RASSF9: variants seen among roughly 807,000 people sequenced by gnomAD.
RASSF9 encodes Ras association domain family member 9, also known as ras association domain-containing protein 9.
RASSF9 carries 18 observed loss-of-function variants against 21.4 expected under a neutral mutation model. That is an observed-to-expected ratio of 0.84 (90% CI 0.58 to 1.25). The LOEUF (loss-of-function observed/expected upper bound fraction) is 1.25, where lower values mean the gene tolerates loss of function less well. RASSF9 is among the 50% of genes most tolerant of loss of function. The probability of loss-of-function intolerance (pLI) is 0.00; values close to 1 mark genes in which losing one functional copy is unlikely to be tolerated. For missense variants in RASSF9, 480 were observed against 503.2 expected, an observed-to-expected ratio of 0.95 and a Z score of 0.44; for synonymous variants, 183 against 179.1, an observed-to-expected ratio of 1.02 and a Z score of -0.18.
At position 85,828,160 on chromosome 12, in the gene RASSF9, G is replaced by A. The variant is rs191482265; in HGVS notation, c.47+7995C>T. 4.7e-3 allele frequency among the ~76,000 whole-genome samples: 712 copies of A among 151,980 alleles called. 6 individuals are homozygous for A. The highest frequency in any genetic ancestry group is 0.016 in the African/African-American group (651 of 41,472). On this transcript the variant is annotated intron_variant, in intron 1 of 1. Coordinates refer to ENST00000361228, the MANE Select transcript of RASSF9 (RefSeq NM_005447.4). ...TCATTAATACTTCACAATATAACTC[G>A]ATATAAATATATATGTGTGTATGTG...
chr12:85,819,208 G>A (rs1013250287), intron 1 of RASSF9, among the ~76,000 whole-genome samples: 3 of 142,330 alleles, frequency 2.1e-5, no homozygotes, highest in Non-Finnish European at 4.6e-5. Context: ...ACTGCTTTAA[G>A]CATTTTTTTT....
chr12:85,805,028 C>T lies in RASSF9; in HGVS notation c.982G>A (p.Ala328Thr). Residue 328 changes from alanine (A) to threonine (T), a missense_variant, in exon 2 of 2, where the codon GCT (alanine) becomes ACT (threonine). Ala to Thr is a moderately conservative substitution (Grantham distance 58). Transcript: ENST00000361228. ...VKCDLEKSMK[A>T]GLKIHSHLSG... ...AAATGAGAGTGAATTTTCAAACCAG[C>T]TTTCATGCTTTTCTCCAAATCACAC... 1 of 1,613,978 alleles carries T rather than the reference C, an allele frequency of 6.2e-7. No individual in the cohort carries two copies. The highest frequency in any genetic ancestry group is 8.5e-7 in the Non-Finnish European group (1 of 1,179,874).
chr12:85,825,968 T>C (rs1402631889), intron 1 of RASSF9, among the ~76,000 whole-genome samples: 1 of 152,136 alleles, frequency 6.6e-6, no homozygotes, highest in Non-Finnish European at 1.5e-5. Flanking sequence ...GGGAAACCAG[T>C]TTGTGTTTTG....
At chr12:85,823,199 C>CAAAA (rs1164958967) in intron 1 of RASSF9, among the ~76,000 whole-genome samples, 3 of 93,052 alleles carry the variant, frequency 3.2e-5, no homozygotes, top group African/African-American at 1.1e-4. Flanking sequence ...AACTCCGTCT[C>CAAAA]AAAAAAAAAA....
chr12:85,834,297 G>C (rs1284497668), intron 1 of RASSF9, among the ~76,000 whole-genome samples: 1 of 151,982 alleles, frequency 6.6e-6, no homozygotes, highest in Non-Finnish European at 1.5e-5. Flanking sequence ...TTATAACAAA[G>C]CATCATCTTC....
chr12:85,806,275 C>A (rs1303964436), intron 1 of RASSF9, among the ~76,000 whole-genome samples: 1 of 151,280 alleles, frequency 6.6e-6, no homozygotes, highest in East Asian at 2.0e-4. Flanking sequence ...TGGTCTCGAT[C>A]TCCTGACCTT....
rs569219332 is a variant in RASSF9, at chr12:85,805,195, C to A, written c.815G>T (p.Arg272Leu). The A allele has an allele frequency of 6.2e-7, 1 of 1,613,694 alleles. No individual in the cohort carries two copies. The highest frequency in any genetic ancestry group is 8.5e-7 in the Non-Finnish European group (1 of 1,179,894). ...ESDGIEQLEE[R>L]LKYYRILIDK... ...AATGAGTATTCGGTAATATTTCAGTCGTTCTTCCAGCTGTTCAATTCCATC... is the reference window on the plus strand; with the variant it reads ...AATGAGTATTCGGTAATATTTCAGTAGTTCTTCCAGCTGTTCAATTCCATC... The change falls in exon 2 of 2, where the codon CGA becomes CTA. Residue 272 changes from arginine (R) to leucine (L), a missense_variant. Physicochemically the swap from Arg to Leu is moderately radical, Grantham distance 102 (BLOSUM62 -2). Transcript: ENST00000361228.
At position 85,803,614 on chromosome 12, in the gene RASSF9, T is replaced by C. The variant is rs879313316; in HGVS notation, c.*1088A>G. ...ATTAAAACACAAGCATAGTAGGCCA[T>C]AATAATGATTGTCAGTCAAGATAAG... is the stretch of plus-strand genomic sequence containing the variant. On this transcript the variant is annotated 3_prime_UTR_variant, in exon 2 of 2. Transcript: ENST00000361228. 6.6e-6 allele frequency: 1 copy of C among 152,144 alleles called. No homozygotes were observed. The highest frequency in any genetic ancestry group is 1.5e-5 in the Non-Finnish European group (1 of 67,984). 9.4% of individuals were successfully genotyped at this position (152,144 alleles called of 1,614,324 possible). A position where few individuals can be genotyped will look rare whatever the true frequency, so the allele number is the denominator to read the frequency against.
At chr12:85,831,790 A>G (rs1310382698) in intron 1 of RASSF9, among the ~76,000 whole-genome samples, 1 of 151,922 alleles carries the variant, frequency 6.6e-6, no homozygotes, top group Non-Finnish European at 1.5e-5. Flanking sequence ...TCTTGTCAGC[A>G]ACTTTTACCC....
Position 85,804,990 on chromosome 12 carries a change from C to A in RASSF9, c.1020G>T (p.Gln340His). The A allele has an allele frequency of 6.2e-7, 1 of 1,613,842 alleles. No homozygotes were observed. The highest frequency in any genetic ancestry group is 8.5e-7 in the Non-Finnish European group (1 of 1,179,760). The part of the protein sequence containing the change: ...LKIHSHLSGI[Q>H]KEIKYSDSLL... ...ATGAGTCACTGTATTTAATCTCTTTCTGGATGCCACTCAAATGAGAGTGAA... is the reference window on the plus strand; with the variant it reads ...ATGAGTCACTGTATTTAATCTCTTTATGGATGCCACTCAAATGAGAGTGAA... Residue 340 changes from glutamine to histidine, a missense_variant, in exon 2 of 2, where the codon CAG (glutamine) becomes CAT (histidine). By Grantham distance (24) the Gln-to-His change is conservative. Transcript: ENST00000361228.
At chr12:85,828,613 A>G (rs1034532682) in intron 1 of RASSF9, among the ~76,000 whole-genome samples, 1 of 152,166 alleles carries the variant, frequency 6.6e-6, no homozygotes, top group African/African-American at 2.4e-5. Context: ...CCTAATTAAA[A>G]GTAGAACCAC....
At chr12:85,813,384 A>G (rs1160883819) in intron 1 of RASSF9, among the ~76,000 whole-genome samples, 1 of 152,004 alleles carries the variant, frequency 6.6e-6, no homozygotes, top group East Asian at 1.9e-4. Flanking sequence ...GGCAAGATTC[A>G]TACAATCAAA....
chr12:85,812,709 T>C (rs1050450258), intron 1 of RASSF9, among the ~76,000 whole-genome samples: 2 of 151,590 alleles, frequency 1.3e-5, no homozygotes, highest in African/African-American at 4.8e-5. Context: ...ACTGTATAAA[T>C]ACAGGTTATT....
chr12:85,815,016 A>C (rs559452458), intron 1 of RASSF9, among the ~76,000 whole-genome samples: 1 of 151,980 alleles, frequency 6.6e-6, no homozygotes, highest in African/African-American at 2.4e-5. Flanking sequence ...TGAAGTTGTT[A>C]TTTCTGTCCT....
chr12:85,810,985 A>T (rs1329953953), intron 1 of RASSF9, among the ~76,000 whole-genome samples: 1 of 151,922 alleles, frequency 6.6e-6, no homozygotes, highest in African/African-American at 2.4e-5. Flanking sequence ...CTAATTTATG[A>T]AATCTCATAT....
Position 85,824,777 on chromosome 12 carries a change from A to T in RASSF9, c.47+11378T>A, listed in dbSNP as rs537274157. 3.9e-5 allele frequency among the ~76,000 whole-genome samples: 6 copies of T among 152,264 alleles called. No individual in the cohort carries two copies. The South Asian group carries it at 6.2e-4, about 16-fold the overall frequency. On this transcript the variant is annotated intron_variant, in intron 1 of 1. Coordinates refer to ENST00000361228, the MANE Select transcript of RASSF9 (RefSeq NM_005447.4). Reference sequence around the variant, plus strand: ...CTATGAGAACAACCTGCTGTTACACATATTACATTATTGATTGCTAGACTG... The same window carrying T: ...CTATGAGAACAACCTGCTGTTACACTTATTACATTATTGATTGCTAGACTG...
rs577220878 is a variant in RASSF9 at position 85,802,888 on chromosome 12, A to G, written c.*1814T>C. ...ATGACTATTCAATTTTATCTTTTTT[A>G]AAAAAATGTAACCGATGCCAGAATT... On this transcript the variant is annotated 3_prime_UTR_variant, in exon 2 of 2. Transcript: ENST00000361228. 1 of 152,064 alleles carries G rather than the reference A, an allele frequency of 6.6e-6. No individual in the cohort carries two copies. The highest frequency in any genetic ancestry group is 1.5e-5 in the Non-Finnish European group (1 of 67,958). The allele number at this position is 152,064 out of a possible 1,614,324, so 9.4% of individuals were successfully genotyped here. A position where few individuals can be genotyped will look rare whatever the true frequency, so the allele number is the denominator to read the frequency against.
intron 1 of RASSF9, among the ~76,000 whole-genome samples, chr12:85,821,532 T>A (rs1014835916): frequency 4.6e-5 from 7 of 152,020 alleles, no homozygotes; most frequent in African/African-American, 1.7e-4. Flanking sequence ...TTAAAAATAG[T>A]TTGAAAATTG....
chr12:85,830,802 C>G (rs894875246), intron 1 of RASSF9, among the ~76,000 whole-genome samples: 7 of 152,040 alleles, frequency 4.6e-5, no homozygotes, highest in Non-Finnish European at 1.5e-5. Flanking sequence ...TAATCACTTT[C>G]AATTTTATCC....
Sources: gnomAD v4.1 joint callset for allele counts (sites outside exome capture counted in the v4.1 genomes callset) on GRCh38, gnomAD v4.1.1 for gene constraint, MANE v1.5 for transcripts, NCBI Gene and HGNC (gene_info 2026-07-23, HGNC 2026-07-21) for gene names.